AAK1: variants seen among roughly 807,000 people sequenced by gnomAD.
The protein encoded by AAK1 is AP2-associated protein kinase 1.
A neutral mutation model predicts 116.0 loss-of-function variants in AAK1; 37 were observed. The observed-to-expected ratio is 0.32, with a 90% CI of 0.25 to 0.42. AAK1 has a LOEUF of 0.42. Among genes scored for constraint, AAK1 ranks in the 10% least tolerant of loss-of-function variants. The pLI is 1.00. For synonymous variants in AAK1, 458 were observed against 439.9 expected (o/e 1.04, Z -0.51); for missense variants, 919 against 1,170.6 (o/e 0.79, Z 3.14).
At chr2:69,489,832 C>T (rs1340572714) in intron 17 of AAK1, among the ~76,000 whole-genome samples, 1 of 152,162 alleles carries the variant, frequency 6.6e-6, no homozygotes, top group Non-Finnish European at 1.5e-5. Flanking sequence ...AAACATCATG[C>T]CCCATTCCAA....
rs115542915 is a variant in AAK1 at position 69,512,725 on chromosome 2, A to G, written c.1776+1746T>C. On this transcript the variant is annotated intron_variant, in intron 13 of 21. Transcript: ENST00000409085. Reference sequence around the variant, plus strand: ...TTCCTCTCTGTCCCCAAAACCAACTATCCCAGAGCAAAGTGTTCAAAGTGT... The same window carrying G: ...TTCCTCTCTGTCCCCAAAACCAACTGTCCCAGAGCAAAGTGTTCAAAGTGT... 1.1e-3 allele frequency among the ~76,000 whole-genome samples: 162 copies of G among 152,342 alleles called. 1 individual carries two copies. The highest frequency in any genetic ancestry group is 3.8e-3 in the African/African-American group (158 of 41,580).
chr2:69,561,282 A>C (rs781193432), intron 2 of AAK1, among the ~76,000 whole-genome samples: 3 of 152,224 alleles, frequency 2.0e-5, no homozygotes, highest in Non-Finnish European at 4.4e-5. Flanking sequence ...ATGATTTGCA[A>C]ATGAATTCCA....
intron 3 of AAK1, among the ~76,000 whole-genome samples, chr2:69,553,437 G>GTTTTTTTTTTTT (rs70954350): frequency 2.5e-5 from 2 of 79,598 alleles, no homozygotes; most frequent in Admixed American, 1.9e-4. Context: ...ATTGAAAGTT[G>GTTTTTTTTTTTT]TTTTTTTTTT....
At chr2:69,512,772 A>G (rs1676440226) in intron 13 of AAK1, among the ~76,000 whole-genome samples, 1 of 152,252 alleles carries the variant, frequency 6.6e-6, no homozygotes, top group South Asian at 2.1e-4. Context: ...AAGAACACGG[A>G]GAAAGTTCAT....
chr2:69,643,634 G>C lies in AAK1; in HGVS notation c.-294C>G. 2 of 1,228,100 alleles carry C rather than the reference G, an allele frequency of 1.6e-6. No homozygotes were observed. Among genetic ancestry groups the C allele is most frequent in the Non-Finnish European group, 1.0e-6 (1 of 985,688 alleles). The allele number at this position is 1,228,100 out of a possible 1,614,324, so 76.1% of individuals were successfully genotyped here. On this transcript the variant is annotated 5_prime_UTR_variant, in exon 1 of 22. Coordinates refer to ENST00000409085, the MANE Select transcript of AAK1 (RefSeq NM_014911.5). The stretch of plus-strand genomic sequence containing the variant: ...GCCCCGCGACATTGTCACGGCCGCC[G>C]GGCCGGCCTGCGACGCAGAGAAGAG...
At position 69,469,175 on chromosome 2, in the gene AAK1, G is replaced by A; in HGVS notation, c.*6694C>T. The A allele has an allele frequency of 2.0e-6, 2 of 985,406 alleles. No individual in the cohort carries two copies. Among genetic ancestry groups the A allele is most frequent in the South Asian group, 9.4e-5 (2 of 21,282 alleles). 61.0% of individuals were successfully genotyped at this position (985,406 alleles called of 1,614,324 possible). A position where few individuals can be genotyped will look rare whatever the true frequency, so the allele number is the denominator to read the frequency against. On this transcript the variant is annotated 3_prime_UTR_variant, in exon 22 of 22. Transcript: ENST00000409085. ...ATTCTTGTTAGAGGAGGTACAGTGT[G>A]GCTGAGGCGGAGAGCAACCACACTT...
At chr2:69,622,563 A>G (rs535049224) in intron 2 of AAK1, among the ~76,000 whole-genome samples, 24 of 152,214 alleles carry the variant, frequency 1.6e-4, no homozygotes, top group Non-Finnish European at 2.9e-4. Flanking sequence ...AAGTACACCA[A>G]TCGACACTCT....
chr2:69,622,185 C>T (rs1036100082), intron 2 of AAK1, among the ~76,000 whole-genome samples: 2 of 152,232 alleles, frequency 1.3e-5, no homozygotes, highest in African/African-American at 2.4e-5. Context: ...GAGCAGACAG[C>T]GGGCCCCAGG....
At chr2:69,591,333 G>A (rs191996919) in intron 2 of AAK1, among the ~76,000 whole-genome samples, 7 of 152,086 alleles carry the variant, frequency 4.6e-5, no homozygotes, top group African/African-American at 1.7e-4. Flanking sequence ...CACTGTGACC[G>A]TACCCAAGAG....
chr2:69,474,310 T>C lies in AAK1; in HGVS notation c.*1559A>G, dbSNP rs1164906518. The C allele has an allele frequency of 7.1e-6, 7 of 985,866 alleles. No individual in the cohort carries two copies. The highest frequency in any genetic ancestry group is 8.4e-6 in the Non-Finnish European group (7 of 829,938). The allele number at this position is 985,866 out of a possible 1,614,324, so 61.1% of individuals were successfully genotyped here. On this transcript the variant is annotated 3_prime_UTR_variant, in exon 22 of 22. Transcript: ENST00000409085. ...TAACTAAGAGTTTCCCTTTTGATGA[T>C]GGACAATGGCACTAGAGGAAAAGAA...
Position 69,458,914 on chromosome 2 carries a change from A to G in AAK1, c.*16955T>C, listed in dbSNP as rs1674275434. The G allele has an allele frequency of 6.6e-6, 1 of 152,530 alleles. No individual in the cohort carries two copies. Among genetic ancestry groups the G allele is most frequent in the Non-Finnish European group, 1.5e-5 (1 of 68,040 alleles). 9.4% of individuals were successfully genotyped at this position (152,530 alleles called of 1,614,324 possible). ...AAGGAATCAAACGGATCCCTTTAAC[A>G]TGTACATATAGTTCCATTATAATGC... On this transcript the variant is annotated 3_prime_UTR_variant, in exon 22 of 22. Coordinates refer to ENST00000409085, the MANE Select transcript of AAK1 (RefSeq NM_014911.5).
intron 18 of AAK1, chr2:69,482,295 T>C (rs1376139451): frequency 3.0e-6 from 1 of 337,570 alleles, no homozygotes; most frequent in Admixed American, 4.7e-5. Context: ...GAGGTTGCAG[T>C]GAGCTGAGAT....
At chr2:69,530,751 A>T in intron 6 of AAK1, 45 bp from the exon 7 acceptor site, 1 of 1,444,776 alleles carries the variant, frequency 6.9e-7, no homozygotes, top group South Asian at 1.2e-5. Flanking sequence ...TCAATACTAT[A>T]ATTAAAAACC....
At chr2:69,642,000 C>T (rs924428505) in intron 2 of AAK1, among the ~76,000 whole-genome samples, 4 of 152,112 alleles carry the variant, frequency 2.6e-5, no homozygotes, top group Admixed American at 2.0e-4. Flanking sequence ...AAGTATGAGT[C>T]TGGCATAATT....
intron 17 of AAK1, among the ~76,000 whole-genome samples, chr2:69,488,149 CGTGTGT>C (rs58575925): frequency 2.8e-4 from 40 of 144,650 alleles, no homozygotes; most frequent in African/African-American, 7.7e-4. Context: ...TGTGTGTGGA[CGTGTGT>C]GTGTGTGTGT....
chr2:69,461,619 A>C lies in AAK1; in HGVS notation c.*14250T>G. 1 of 378,566 alleles carries C rather than the reference A, an allele frequency of 2.6e-6. No individual in the cohort carries two copies. The highest frequency in any genetic ancestry group is 1.9e-5 in the South Asian group (1 of 51,938). The allele number at this position is 378,566 out of a possible 1,614,324, so 23.5% of individuals were successfully genotyped here. A position where few individuals can be genotyped will look rare whatever the true frequency, so the allele number is the denominator to read the frequency against. On this transcript the variant is annotated 3_prime_UTR_variant, in exon 22 of 22. Transcript: ENST00000409085. ...AATTTTTTTTTTTTTTTTGAGGCGG[A>C]GTTTTGCTCTTCTCGCCCAGGCTGG...
At chr2:69,498,571 C>T (rs1675845288) in intron 16 of AAK1, among the ~76,000 whole-genome samples, 1 of 151,802 alleles carries the variant, frequency 6.6e-6, no homozygotes, top group Non-Finnish European at 1.5e-5. Flanking sequence ...CTACTCAGTA[C>T]CCAGCATCTC....
intron 2 of AAK1, among the ~76,000 whole-genome samples, chr2:69,596,268 T>A (rs1390864404): frequency 1.3e-5 from 2 of 150,408 alleles, no homozygotes; most frequent in African/African-American, 2.5e-5. Context: ...TTGCTCAGGC[T>A]CAAGTGCAGT....
Position 69,542,668 on chromosome 2 carries a change from G to A in AAK1, c.392-3C>T, listed in dbSNP as rs1227221411. 6 of 1,613,582 alleles carry A rather than the reference G, an allele frequency of 3.7e-6. No homozygotes were observed. In the South Asian group the frequency reaches 5.5e-5, roughly 15 times the overall value. On this transcript the variant is annotated splice_region_variant and splice_polypyrimidine_tract_variant and intron_variant, in intron 4 of 21. Transcript: ENST00000409085. ...CATCAGGTTTACCACCTGGCCACCT[G>A]AGGGGGTACGTACAGGGCAAAGGAG...
Sources: allele counts gnomAD v4.1 joint callset (sites outside exome capture counted in the v4.1 genomes callset), GRCh38; gene constraint gnomAD v4.1.1; transcripts MANE v1.5; gene names NCBI Gene and HGNC (gene_info 2026-07-23, HGNC 2026-07-21).